SCD5: variants seen among roughly 807,000 people sequenced by gnomAD.
SCD5 encodes the protein acyl-CoA-desaturase 4.
Under a neutral mutation model 30.4 loss-of-function variants are expected in SCD5, and 20 were observed. That is an observed-to-expected ratio of 0.66 (90% CI 0.46 to 0.96). SCD5 has a LOEUF of 0.96. SCD5 is among the 40% of genes least tolerant of loss of function. SCD5 has a pLI of 0.00. For synonymous variants in SCD5, 173 were observed against 176.4 expected (o/e 0.98, Z 0.16); for missense variants, 381 against 443.3 (o/e 0.86, Z 1.26).
At chr4:82,769,099 C>T (rs377266968) in intron 1 of SCD5, among the ~76,000 whole-genome samples, 12 of 152,188 alleles carry the variant, frequency 7.9e-5, no homozygotes, top group African/African-American at 2.9e-4. Context: ...TCTGGCTCTT[C>T]GCAGGTCCCT....
At chr4:82,724,363 T>A (rs555284764) in intron 1 of SCD5, among the ~76,000 whole-genome samples, 1 of 152,270 alleles carries the variant, frequency 6.6e-6, no homozygotes, top group Admixed American at 6.5e-5. Flanking sequence ...ACACCTGTAA[T>A]CCCAGCAATT....
chr4:82,741,853 C>CGG (rs34875819), intron 1 of SCD5, among the ~76,000 whole-genome samples: 141 of 45,406 alleles, frequency 3.1e-3, no homozygotes, highest in African/African-American at 9.0e-3. Context: ...TCAGAGTGGG[C>CGG]GGGGGGGGGG....
At chr4:82,658,467 C>CTTTTTT (rs33912415) in intron 3 of SCD5, among the ~76,000 whole-genome samples, 15 of 105,526 alleles carry the variant, frequency 1.4e-4, no homozygotes, top group African/African-American at 2.3e-4. Flanking sequence ...GGTGGATAAG[C>CTTTTTT]TTTTTTTTTT....
At chr4:82,666,656 T>A (rs1728197927) in intron 3 of SCD5, among the ~76,000 whole-genome samples, 1 of 152,258 alleles carries the variant, frequency 6.6e-6, no homozygotes, top group Admixed American at 6.5e-5. Flanking sequence ...AAGATCTTTG[T>A]AAAATTTAAC....
At chr4:82,740,803 C>T (rs1720856383) in intron 1 of SCD5, among the ~76,000 whole-genome samples, 1 of 152,220 alleles carries the variant, frequency 6.6e-6, no homozygotes, top group Non-Finnish European at 1.5e-5. Flanking sequence ...TTTAATTCTT[C>T]CCCTAATCCT....
At chr4:82,765,192 A>AT (rs1379717403) in intron 1 of SCD5, among the ~76,000 whole-genome samples, 4 of 152,118 alleles carry the variant, frequency 2.6e-5, no homozygotes, top group African/African-American at 9.7e-5. Context: ...CTGGAAATGA[A>AT]TTTTTTTAAT....
chr4:82,705,813 T>C (rs1470154945), intron 1 of SCD5, among the ~76,000 whole-genome samples: 4 of 152,220 alleles, frequency 2.6e-5, no homozygotes, highest in South Asian at 2.1e-4. Flanking sequence ...GTGAGTGTTA[T>C]GTGAAGAGCA....
intron 3 of SCD5, among the ~76,000 whole-genome samples, chr4:82,676,263 G>C (rs1728434363): frequency 6.6e-6 from 1 of 152,192 alleles, no homozygotes; most frequent in Non-Finnish European, 1.5e-5. Flanking sequence ...TCCCTGGACT[G>C]CCTGTCTCCA....
At chr4:82,736,877 G>A (rs1365418371) in intron 1 of SCD5, among the ~76,000 whole-genome samples, 1 of 152,064 alleles carries the variant, frequency 6.6e-6, no homozygotes, top group African/African-American at 2.4e-5. Flanking sequence ...TGTTGCCCAG[G>A]CTAGTCTCGA....
intron 2 of SCD5, among the ~76,000 whole-genome samples, chr4:82,688,316 G>A (rs542628973): frequency 3.3e-5 from 5 of 151,798 alleles, no homozygotes; most frequent in African/African-American, 1.2e-4. Flanking sequence ...GCGTGCGTGT[G>A]GTGTGTGTGT....
chr4:82,743,688 A>T (rs1720926119), intron 1 of SCD5, among the ~76,000 whole-genome samples: 1 of 151,714 alleles, frequency 6.6e-6, no homozygotes, highest in South Asian at 2.1e-4. Context: ...TGCCTGGCTA[A>T]TTTTTAATTT....
intron 1 of SCD5, among the ~76,000 whole-genome samples, chr4:82,765,215 G>A (rs1050456510): frequency 6.6e-6 from 1 of 152,116 alleles, no homozygotes; most frequent in African/African-American, 2.4e-5. Flanking sequence ...TTGTATGTCT[G>A]AAAAGGATTT....
intron 1 of SCD5, among the ~76,000 whole-genome samples, chr4:82,710,701 T>A (rs1226041929): frequency 6.6e-6 from 1 of 152,096 alleles, no homozygotes; most frequent in African/African-American, 2.4e-5. Context: ...GTTTTGAAAG[T>A]CAGTTCTGGG....
At chr4:82,635,486 T>C (rs1374589416) in intron 4 of SCD5, among the ~76,000 whole-genome samples, 2 of 151,354 alleles carry the variant, frequency 1.3e-5, no homozygotes, top group African/African-American at 4.9e-5. Context: ...CCAGGCGTGG[T>C]GGTGGGTGCC....
rs1451866865 is a variant in SCD5 at position 82,631,260 on chromosome 4, G to A, written c.*67C>T. The A allele has an allele frequency of 9.3e-5, 133 of 1,429,590 alleles. No homozygotes were observed. The highest frequency in any genetic ancestry group is 1.2e-4 in the Non-Finnish European group (126 of 1,036,478). The allele number at this position is 1,429,590 out of a possible 1,614,324, so 88.6% of individuals were successfully genotyped here. A position where few individuals can be genotyped will look rare whatever the true frequency, so the allele number is the denominator to read the frequency against. On this transcript the variant is annotated 3_prime_UTR_variant, in exon 5 of 5. Transcript: ENST00000319540. ...CCCTCCCACGATCCAATGTACAAGAGAGCTATTGTAACCAAAGCCATGAAC... is the reference window on the plus strand; with the variant it reads ...CCCTCCCACGATCCAATGTACAAGAAAGCTATTGTAACCAAAGCCATGAAC...
At chr4:82,660,870 T>C (rs1377536196) in intron 3 of SCD5, 1 of 1,613,890 alleles carries the variant, frequency 6.2e-7, no homozygotes, top group East Asian at 2.2e-5. Flanking sequence ...ATCTCTCTTC[T>C]GACCTTCAGA....
At chr4:82,679,615 C>G (rs1423054332) in intron 3 of SCD5, among the ~76,000 whole-genome samples, 5 of 151,864 alleles carry the variant, frequency 3.3e-5, no homozygotes, top group Non-Finnish European at 5.9e-5. Flanking sequence ...ATAGATGAAG[C>G]TGAGACTTAG....
intron 3 of SCD5, among the ~76,000 whole-genome samples, chr4:82,658,378 T>C (rs934896234): frequency 6.6e-6 from 1 of 152,176 alleles, no homozygotes; most frequent in African/African-American, 2.4e-5. Flanking sequence ...ATTGGTTCTG[T>C]TTATGTGATG....
intron 1 of SCD5, among the ~76,000 whole-genome samples, chr4:82,738,763 T>C (rs1032224467): frequency 1.3e-5 from 2 of 152,242 alleles, no homozygotes; most frequent in Non-Finnish European, 2.9e-5. Flanking sequence ...TTCCAAGTTA[T>C]AGATGCCAAA....
Sources: gnomAD v4.1 joint callset for allele counts (sites outside exome capture counted in the v4.1 genomes callset) on GRCh38, gnomAD v4.1.1 for gene constraint, MANE v1.5 for transcripts, NCBI Gene and HGNC (gene_info 2026-07-23, HGNC 2026-07-21) for gene names.